Variants in NIT1 observed in about 807,000 individuals in gnomAD.
NIT1 encodes the protein nitrilase 1.
NIT1 carries 30 observed loss-of-function variants against 36.8 expected under a neutral mutation model. The ratio of observed to expected loss-of-function variants is 0.82; its 90% CI spans 0.61 to 1.11. The LOEUF is 1.11. NIT1 is among the 50% of genes least tolerant of loss of function. NIT1 has a pLI of 0.00. For synonymous variants in NIT1, 151 were observed against 155.6 expected, an observed-to-expected ratio of 0.97 and a Z score of 0.22; for missense variants, 438 against 410.6, an observed-to-expected ratio of 1.07 and a Z score of -0.58.
downstream of NIT1, chr1:161,122,052 T>A: frequency 8.4e-7 from 1 of 1,191,044 alleles, no homozygotes. This position sits in a 1 kb window ranked among gnomAD's most constrained non-coding sequence, Gnocchi z 4.2. Context: ...GGCAGGGGTG[T>A]GATTGGTTGG....
intron 6 of NIT1, 81 bp from the exon 7 acceptor site, chr1:161,120,417 AG>A: frequency 6.7e-7 from 1 of 1,497,914 alleles, no homozygotes; most frequent in Non-Finnish European, 9.2e-7. Flanking sequence ...CACAATGGGT[AG>A]ATTGGTCTGT....
At chr1:161,124,039 CT>C, downstream of NIT1, 4 of 1,579,716 alleles carry the variant, frequency 2.5e-6, no homozygotes, top group Non-Finnish European at 3.4e-6. Flanking sequence ...ACTCTAAGTA[CT>C]CCCCAGGATC....
downstream of NIT1, chr1:161,121,236 G>GTT: frequency 2.1e-6 from 2 of 962,736 alleles, no homozygotes; most frequent in Non-Finnish European, 2.5e-6. Context: ...GGGAGTGGGC[G>GTT]TAGGAGTGGA....
chr1:161,121,893 G>A (rs781198986), downstream of NIT1: 1 of 450,144 alleles, frequency 2.2e-6, no homozygotes, highest in South Asian at 3.4e-5. Context: ...TTTGTCTTAC[G>A]GCTCAGTGGT....
intron 6 of NIT1, 119 bp downstream of exon 6, chr1:161,120,351 T>C (rs1655319298): frequency 1.4e-6 from 2 of 1,470,148 alleles, no homozygotes; most frequent in Non-Finnish European, 1.9e-6. Flanking sequence ...TCCCCAGATA[T>C]TTCTCTCATG....
At chr1:161,125,318 A>C (rs1656045809), downstream of NIT1, 1 of 152,210 alleles carries the variant, frequency 6.6e-6, no homozygotes, top group African/African-American at 2.4e-5. Flanking sequence ...TGGCCTTTGC[A>C]GCCCAGAATC....
At chr1:161,118,982 T>C (rs1571198467) in intron 2 of NIT1, 101 bp downstream of exon 2, 2 of 1,326,584 alleles carry the variant, frequency 1.5e-6, no homozygotes, top group East Asian at 4.6e-5. Context: ...ACACATTTGA[T>C]TGGTGAGCCC....
chr1:161,118,732 A>G, intron 1 of NIT1, 54 bp from the exon 2 acceptor site: 1 of 1,513,872 alleles, frequency 6.6e-7, no homozygotes, highest in East Asian at 2.3e-5. Flanking sequence ...AGAGAATCCT[A>G]GAAATTTATT....
chr1:161,124,559 T>TC, downstream of NIT1: 2 of 1,508,946 alleles, frequency 1.3e-6, no homozygotes, highest in Non-Finnish European at 1.8e-6. Flanking sequence ...GATGAGACAC[T>TC]CAAGGGCAGG....
downstream of NIT1, chr1:161,122,594 A>G: frequency 6.5e-7 from 1 of 1,538,566 alleles, no homozygotes; most frequent in Non-Finnish European, 8.8e-7. The surrounding 1 kb of genome is among the most constrained non-coding windows in gnomAD (Gnocchi z 4.2). Flanking sequence ...AAGCTTGAAA[A>G]CTGAAAAGCA....
At chr1:161,118,721 C>T (rs1231464550) in intron 1 of NIT1, 65 bp from the exon 2 acceptor site, 1 of 1,492,500 alleles carries the variant, frequency 6.7e-7, no homozygotes, top group Non-Finnish European at 9.3e-7. Context: ...AGAGAGAAGT[C>T]AGAGAATCCT....
At chr1:161,118,369 G>A (rs1655058252) in intron 1 of NIT1, 191 bp downstream of exon 1, 2 of 1,522,746 alleles carry the variant, frequency 1.3e-6, no homozygotes, top group East Asian at 4.9e-5. Flanking sequence ...GGGAGGGGTG[G>A]GAGACGAGAG....
chr1:161,119,975 G>A (rs747474481), intron 5 of NIT1, 23 bp downstream of exon 5: 16 of 1,604,480 alleles, frequency 1.0e-5, no homozygotes, highest in Non-Finnish European at 1.4e-5. Flanking sequence ...AAAGGATGAG[G>A]GAGGGGAACA....
downstream of NIT1, among the ~76,000 whole-genome samples, chr1:161,123,661 CAT>C (rs961743261): frequency 7.5e-5 from 11 of 147,234 alleles, no homozygotes; most frequent in South Asian, 2.1e-4. Context: ...AAAGACAAGA[CAT>C]GTGAGAGCAA....
chr1:161,124,602 G>A, downstream of NIT1: 4 of 1,440,896 alleles, frequency 2.8e-6, no homozygotes, highest in Non-Finnish European at 3.6e-6. Context: ...ATTCCCAGTT[G>A]CTAACAATGC....
At chr1:161,124,272 C>G (rs1655907819), downstream of NIT1, 1 of 1,614,120 alleles carries the variant, frequency 6.2e-7, no homozygotes, top group Non-Finnish European at 8.5e-7. Flanking sequence ...GAAGTCACGT[C>G]CATTTCGGAT....
At chr1:161,121,864 CTT>C, downstream of NIT1, 1 of 376,170 alleles carries the variant, frequency 2.7e-6, no homozygotes. Flanking sequence ...GTGCTGTAGA[CTT>C]TGCTTCTTCC....
At position 161,119,278 on chromosome 1, in the gene NIT1, G is replaced by A. The variant is rs1160724940; in HGVS notation, c.243G>A (p.Leu81=). Residue 81 remains leucine (L), a synonymous_variant, in exon 3 of 7, where the codon CTG becomes CTA. Transcript: ENST00000368009. Reference sequence around the variant, plus strand: ...AGGCTGCCAGACTGGGTGCCTGCCTGGCTTTCCTGCCTGAGGCATTTGACT... The same window carrying A: ...AGGCTGCCAGACTGGGTGCCTGCCTAGCTTTCCTGCCTGAGGCATTTGACT... ...VREAARLGAC[L]AFLPEAFDFI... 7.4e-6 allele frequency: 12 copies of A among 1,614,048 alleles called. No homozygotes were observed. The highest frequency in any genetic ancestry group is 1.0e-5 in the Non-Finnish European group (12 of 1,180,030).
chr1:161,120,860 A>C lies in NIT1; in HGVS notation c.*95A>C, dbSNP rs534038472. 1 of 1,504,970 alleles carries C rather than the reference A, an allele frequency of 6.6e-7. No individual in the cohort carries two copies. Among genetic ancestry groups the C allele is most frequent in the South Asian group, 1.3e-5 (1 of 75,690 alleles). 93.2% of individuals were successfully genotyped at this position (1,504,970 alleles called of 1,614,324 possible). On this transcript the variant is annotated 3_prime_UTR_variant, in exon 7 of 7. Transcript: ENST00000368009. ...TGACTTGGAGGCAGGATCCAGGCACAGCTCCCCTCACTTGGAGAACCTTGA... is the reference window on the plus strand; with the variant it reads ...TGACTTGGAGGCAGGATCCAGGCACCGCTCCCCTCACTTGGAGAACCTTGA...
Sources: allele counts gnomAD v4.1 joint callset (sites outside exome capture counted in the v4.1 genomes callset), GRCh38; gene constraint gnomAD v4.1.1; non-coding constraint Gnocchi (gnomAD v3.1); transcripts MANE v1.5; gene names NCBI Gene and HGNC (gene_info 2026-07-23, HGNC 2026-07-21).